BABAM2: variants seen among roughly 807,000 people sequenced by gnomAD.
The protein encoded by BABAM2 is BRISC and BRCA1 A complex member 2.
In BABAM2, 31 loss-of-function variants were observed where a neutral mutation model predicts 54.7. The observed-to-expected ratio is 0.57, with a 90% CI of 0.43 to 0.77. BABAM2 has a LOEUF of 0.77. BABAM2 is among the 30% of genes least tolerant of loss of function. BABAM2 has a pLI of 0.00. For missense variants in BABAM2, 364 were observed against 455.8 expected (o/e 0.80, Z 1.83); for synonymous variants, 167 against 162.9 (o/e 1.03, Z -0.19).
chr2:28,281,373 A>G (rs1230449561), intron 10 of BABAM2, among the ~76,000 whole-genome samples: 1 of 152,244 alleles, frequency 6.6e-6, no homozygotes, highest in Non-Finnish European at 1.5e-5. Context: ...AACCAAAAGT[A>G]TATTTTGCTG....
chr2:28,072,080 G>A (rs376740323), intron 6 of BABAM2, among the ~76,000 whole-genome samples: 12 of 152,132 alleles, frequency 7.9e-5, no homozygotes, highest in African/African-American at 2.9e-4. Flanking sequence ...GAGTGCAGTG[G>A]CACTATCATA....
intron 6 of BABAM2, among the ~76,000 whole-genome samples, chr2:28,059,093 C>A (rs1157800931): frequency 6.6e-6 from 1 of 152,136 alleles, no homozygotes; most frequent in Non-Finnish European, 1.5e-5. Flanking sequence ...ACCCAGCACG[C>A]CCCTCCTTTT....
At chr2:28,001,845 C>T (rs916919642) in intron 4 of BABAM2, among the ~76,000 whole-genome samples, 6 of 152,042 alleles carry the variant, frequency 3.9e-5, no homozygotes, top group Admixed American at 1.3e-4. Flanking sequence ...AGACCCGCCC[C>T]TATGCACCAA....
At chr2:27,994,178 G>A (rs1290128586) in intron 4 of BABAM2, among the ~76,000 whole-genome samples, 1 of 152,192 alleles carries the variant, frequency 6.6e-6, no homozygotes, top group Non-Finnish European at 1.5e-5. Context: ...GGTGACAAGT[G>A]TGGAGATAGA....
intron 3 of BABAM2, among the ~76,000 whole-genome samples, chr2:27,979,488 A>G (rs1177388493): frequency 6.6e-6 from 1 of 152,012 alleles, no homozygotes; most frequent in African/African-American, 2.4e-5. Flanking sequence ...CAGTAATGGG[A>G]TTGCAGGGTT....
At chr2:27,910,226 C>G (rs1203183189) in intron 2 of BABAM2, among the ~76,000 whole-genome samples, 1 of 152,140 alleles carries the variant, frequency 6.6e-6, no homozygotes, top group Non-Finnish European at 1.5e-5. Flanking sequence ...TAGGACCTGG[C>G]ACAATAAGTA....
chr2:28,202,014 C>A (rs1256306332), intron 7 of BABAM2, among the ~76,000 whole-genome samples: 1 of 152,136 alleles, frequency 6.6e-6, no homozygotes, highest in Non-Finnish European at 1.5e-5. Flanking sequence ...TTGGGAATTG[C>A]AGGTCAGGAG....
chr2:27,910,466 G>T (rs1048509211), intron 2 of BABAM2, among the ~76,000 whole-genome samples: 1 of 152,150 alleles, frequency 6.6e-6, no homozygotes. Context: ...TCATAAGTAA[G>T]TATATAATGC....
intron 10 of BABAM2, among the ~76,000 whole-genome samples, chr2:28,278,841 G>A (rs986389020): frequency 6.6e-6 from 1 of 152,190 alleles, no homozygotes; most frequent in African/African-American, 2.4e-5. Context: ...CTGGGGAGGT[G>A]CAGGTGACAA....
intron 3 of BABAM2, among the ~76,000 whole-genome samples, chr2:27,940,271 CTG>C (rs1018322342): frequency 6.6e-6 from 1 of 152,126 alleles, no homozygotes; most frequent in Non-Finnish European, 1.5e-5. Flanking sequence ...ATATAAACAC[CTG>C]TTTGTAAATA....
chr2:28,042,301 T>G (rs1206130402), intron 5 of BABAM2, among the ~76,000 whole-genome samples: 1 of 152,192 alleles, frequency 6.6e-6, no homozygotes, highest in Non-Finnish European at 1.5e-5. Flanking sequence ...GTCATCAGCA[T>G]ATACATTATT....
intron 11 of BABAM2, chr2:28,309,095 C>T (rs1445103611): frequency 6.6e-6 from 1 of 152,366 alleles, no homozygotes; most frequent in African/African-American, 2.4e-5. Context: ...TTGTCTGGGT[C>T]TATGATCTCA....
chr2:28,163,272 G>T (rs1438291359), intron 7 of BABAM2, among the ~76,000 whole-genome samples: 1 of 152,146 alleles, frequency 6.6e-6, no homozygotes, highest in Non-Finnish European at 1.5e-5. Flanking sequence ...CAAGTCAGCA[G>T]GTGGGCCAGG....
rs376968641 is a variant in BABAM2 at position 27,903,781 on chromosome 2, A to C, written c.128+9097A>C. On this transcript the variant is annotated intron_variant, in intron 2 of 11. Coordinates refer to ENST00000379624, the MANE Select transcript of BABAM2 (RefSeq NM_199191.3). ...TTGAGGTGCAAAGCAAAACTAGCAC[A>C]AATTTCTTTTTCCTTCTTCACAATT... Among the ~76,000 whole-genome samples, 51 of 152,326 alleles carry C rather than the reference A, an allele frequency of 3.3e-4. No individual in the cohort carries two copies. In the East Asian group the frequency reaches 3.8e-3, roughly 11 times the overall value.
At chr2:28,192,458 A>G (rs1460931295) in intron 7 of BABAM2, among the ~76,000 whole-genome samples, 1 of 151,514 alleles carries the variant, frequency 6.6e-6, no homozygotes, top group Non-Finnish European at 1.5e-5. Flanking sequence ...AAAAAAAAAT[A>G]GAGAAGCTAA....
Position 28,308,174 on chromosome 2 carries a change from T to C in BABAM2, c.1088+9683T>C, listed in dbSNP as rs189092583. Reference sequence around the variant, plus strand: ...CATTTTCACATTATGGCACCAAAAGTGAAAAAAGTTCTTGCCCCTCCCAAA... The same window carrying C: ...CATTTTCACATTATGGCACCAAAAGCGAAAAAAGTTCTTGCCCCTCCCAAA... On this transcript the variant is annotated intron_variant, in intron 11 of 11. Transcript: ENST00000379624. 862 of 319,334 alleles carry C rather than the reference T, an allele frequency of 2.7e-3. 1 individual carries two copies. Among genetic ancestry groups the C allele is most frequent in the Admixed American group, 4.4e-3 (132 of 30,200 alleles). The allele number at this position is 319,334 out of a possible 1,614,324, so 19.8% of individuals were successfully genotyped here.
At chr2:28,188,803 A>G (rs1327057606) in intron 7 of BABAM2, among the ~76,000 whole-genome samples, 2 of 152,228 alleles carry the variant, frequency 1.3e-5, no homozygotes, top group Non-Finnish European at 2.9e-5. Context: ...CACAGCAAAC[A>G]CATATTTAAT....
chr2:28,139,237 G>A (rs940709185), intron 7 of BABAM2, among the ~76,000 whole-genome samples: 4 of 147,112 alleles, frequency 2.7e-5, no homozygotes, highest in Non-Finnish European at 5.9e-5. Context: ...CAGGAGAATC[G>A]CTTGAACGGA....
At chr2:28,197,146 C>A (rs1340640120) in intron 7 of BABAM2, among the ~76,000 whole-genome samples, 8 of 152,068 alleles carry the variant, frequency 5.3e-5, no homozygotes, top group Non-Finnish European at 1.2e-4. Context: ...AGCCACCACA[C>A]CTGGCCAAGA....
Sources: gnomAD v4.1 joint callset for allele counts (sites outside exome capture counted in the v4.1 genomes callset) on GRCh38, gnomAD v4.1.1 for gene constraint, MANE v1.5 for transcripts, NCBI Gene and HGNC (gene_info 2026-07-23, HGNC 2026-07-21) for gene names.